XIRP2: variants seen among roughly 807,000 people sequenced by gnomAD.
XIRP2 encodes xin actin binding repeat containing 2, also known as xin actin-binding repeat-containing protein 2.
Under a neutral mutation model 277.0 loss-of-function variants are expected in XIRP2, and 236 were observed. The observed-to-expected ratio is 0.85, with a 90% CI of 0.77 to 0.95. The LOEUF is 0.95. Ranked by LOEUF, XIRP2 falls within the 40% of genes least tolerant of loss-of-function variation. The probability of loss-of-function intolerance (pLI) is 0.00; values close to 1 mark genes in which losing one functional copy is unlikely to be tolerated. For missense variants in XIRP2, 4,640 were observed against 4,157.5 expected (o/e 1.12, Z -3.19); for synonymous variants, 1,490 against 1,416.5 (o/e 1.05, Z -1.17).
chr2:166,952,631 T>A (rs1171668289), intron 2 of XIRP2, among the ~76,000 whole-genome samples: 1 of 152,010 alleles, frequency 6.6e-6, no homozygotes, highest in Non-Finnish European at 1.5e-5. Flanking sequence ...AAATTATTAG[T>A]CTTCCAAAGG....
chr2:166,986,648 A>G (rs1687013450), intron 2 of XIRP2, among the ~76,000 whole-genome samples: 2 of 152,246 alleles, frequency 1.3e-5, no homozygotes, highest in Admixed American at 6.5e-5. Flanking sequence ...ACTAATCAAT[A>G]AAAGGGCAGT....
At chr2:166,919,088 A>T (rs2105355633) in intron 2 of XIRP2, among the ~76,000 whole-genome samples, 1 of 152,242 alleles carries the variant, frequency 6.6e-6, no homozygotes, top group African/African-American at 2.4e-5. Context: ...CTTCCTGGAG[A>T]TCAAGCAAAC....
intron 2 of XIRP2, among the ~76,000 whole-genome samples, chr2:166,954,543 T>C (rs778865119): frequency 2.0e-4 from 31 of 151,784 alleles, no homozygotes; most frequent in African/African-American, 3.9e-4. Flanking sequence ...AGAAATACCA[T>C]TGGACCCAGC....
chr2:167,140,818 C>T (rs568645566), intron 3 of XIRP2: 1 of 152,284 alleles, frequency 6.6e-6, no homozygotes, highest in South Asian at 2.1e-4. Flanking sequence ...AAGTGTTTCT[C>T]TTTCTTACAG....
At chr2:167,078,170 GTTC>G (rs1689623699) in intron 2 of XIRP2, among the ~76,000 whole-genome samples, 1 of 152,076 alleles carries the variant, frequency 6.6e-6, no homozygotes, top group Non-Finnish European at 1.5e-5. Context: ...ATATTTTATA[GTTC>G]TTCTAGAGAT....
At chr2:167,087,746 AC>A (rs1690005688) in intron 2 of XIRP2, among the ~76,000 whole-genome samples, 1 of 151,466 alleles carries the variant, frequency 6.6e-6, no homozygotes, top group Non-Finnish European at 1.5e-5. Flanking sequence ...CGGAAAGGGA[AC>A]TCCCTGACCC....
At chr2:167,098,794 C>T (rs1180029436) in intron 2 of XIRP2, among the ~76,000 whole-genome samples, 1 of 152,210 alleles carries the variant, frequency 6.6e-6, no homozygotes, top group Non-Finnish European at 1.5e-5. Flanking sequence ...TTCTAACAGT[C>T]AGGCCGCTCT....
At chr2:167,175,305 C>A (rs1296871885) in intron 3 of XIRP2, among the ~76,000 whole-genome samples, 2 of 152,042 alleles carry the variant, frequency 1.3e-5, no homozygotes, top group East Asian at 1.9e-4. Flanking sequence ...TGAATTGATC[C>A]CTTTACCATT....
rs1559041061 is a variant in XIRP2 at position 167,246,638 on chromosome 2, G to A, written c.5246G>A (p.Cys1749Tyr). 6.2e-7 allele frequency: 1 copy of A among 1,613,730 alleles called. No homozygotes were observed. The highest frequency in any genetic ancestry group is 8.5e-7 in the Non-Finnish European group (1 of 1,179,828). ...ERGNVQFFTT[C>Y]IEAGALDYLK... The stretch of plus-strand genomic sequence containing the variant: ...GGAAATGTTCAGTTTTTCACAACCT[G>A]CATAGAAGCTGGAGCTTTGGATTAT... The change falls in exon 9 of 11, where the codon TGC becomes TAC. Residue 1749 changes from cysteine to tyrosine, a missense_variant. By Grantham distance (194) the Cys-to-Tyr change is radical. Coordinates refer to ENST00000409195, the MANE Select transcript of XIRP2 (RefSeq NM_152381.6).
At chr2:167,128,328 C>T (rs1179646335) in intron 2 of XIRP2, among the ~76,000 whole-genome samples, 3 of 152,126 alleles carry the variant, frequency 2.0e-5, no homozygotes, top group East Asian at 3.9e-4. Context: ...TTGACCCTTG[C>T]GCAACACAGG....
At position 167,242,919 on chromosome 2, in the gene XIRP2, A is replaced by G; in HGVS notation, c.1527A>G (p.Leu509=). 6.2e-7 allele frequency: 1 copy of G among 1,613,618 alleles called. No homozygotes were observed. The highest frequency in any genetic ancestry group is 8.5e-7 in the Non-Finnish European group (1 of 1,179,890). Residue 509 remains leucine, a synonymous_variant, in exon 9 of 11, where the codon TTA becomes TTG. Transcript: ENST00000409195. ...NRLYKHIHPE[L]RKNLEKDYIS... The stretch of plus-strand genomic sequence containing the variant: ...TATATAAACACATCCATCCTGAGTT[A>G]AGAAAAAACTTAGAAAAAGATTATA...
intron 2 of XIRP2, among the ~76,000 whole-genome samples, chr2:166,921,649 A>G (rs1200244222): frequency 1.3e-5 from 2 of 152,118 alleles, no homozygotes; most frequent in Admixed American, 1.3e-4. Context: ...AGTGCTAAGC[A>G]TAGGGTATAT....
chr2:167,073,756 G>A (rs913400045), intron 2 of XIRP2, among the ~76,000 whole-genome samples: 4 of 152,116 alleles, frequency 2.6e-5, no homozygotes, highest in South Asian at 4.1e-4. Flanking sequence ...TGTATATGGG[G>A]CCCTAACTAG....
At chr2:166,949,850 A>G (rs1685981040) in intron 2 of XIRP2, among the ~76,000 whole-genome samples, 1 of 152,056 alleles carries the variant, frequency 6.6e-6, no homozygotes. Flanking sequence ...ATTTCTATAG[A>G]TTTTTATTGA....
chr2:166,949,853 T>G (rs547726609), intron 2 of XIRP2, among the ~76,000 whole-genome samples: 2 of 152,218 alleles, frequency 1.3e-5, no homozygotes, highest in African/African-American at 4.8e-5. Context: ...TCTATAGATT[T>G]TTATTGACCT....
At chr2:167,068,113 T>A (rs1689343802) in intron 2 of XIRP2, among the ~76,000 whole-genome samples, 1 of 152,202 alleles carries the variant, frequency 6.6e-6, no homozygotes, top group Admixed American at 6.5e-5. Context: ...TTATTTGCAA[T>A]TGAATTTGCA....
intron 1 of XIRP2, among the ~76,000 whole-genome samples, 182 bp from the exon 2 acceptor site, chr2:166,903,283 T>C (rs1684428184): frequency 6.6e-6 from 1 of 152,128 alleles, no homozygotes; most frequent in Admixed American, 6.6e-5. Flanking sequence ...TAATTCTAAT[T>C]TAACTTACAT....
Position 167,246,524 on chromosome 2 carries a change from G to A in XIRP2, c.5132G>A (p.Gly1711Asp), listed in dbSNP as rs371126183. 8.7e-6 allele frequency: 14 copies of A among 1,613,574 alleles called. No individual in the cohort carries two copies. Among genetic ancestry groups the A allele is most frequent in the African/African-American group, 8.0e-5 (6 of 74,882 alleles). The change falls in exon 9 of 11, where the codon GGT becomes GAT. Residue 1711 changes from glycine (G) to aspartate (D), a missense_variant. Transcript: ENST00000409195. The stretch of plus-strand genomic sequence containing the variant: ...ATTGAGCGTGAAGAAGTAATAGGTG[G>A]TGATGTCAAACGTACCATTCATAAT... Reference protein sequence around the residue: ...DTIEREEVIGGDVKRTIHNLL... With the variant: ...DTIEREEVIGDDVKRTIHNLL...
chr2:167,036,399 G>A (rs1688507695), intron 2 of XIRP2, among the ~76,000 whole-genome samples: 1 of 152,168 alleles, frequency 6.6e-6, no homozygotes, highest in African/African-American at 2.4e-5. Flanking sequence ...TGGCCTGAAG[G>A]AGATCATTTT....
Sources: gnomAD v4.1 joint callset for allele counts (sites outside exome capture counted in the v4.1 genomes callset) on GRCh38, gnomAD v4.1.1 for gene constraint, MANE v1.5 for transcripts, NCBI Gene and HGNC (gene_info 2026-07-23, HGNC 2026-07-21) for gene names.